Variants in SPATA17 observed in about 807,000 individuals in gnomAD.
SPATA17 encodes spermatogenesis-associated protein 17.
A neutral mutation model predicts 62.2 loss-of-function variants in SPATA17; 53 were observed. The ratio of observed to expected loss-of-function variants is 0.85; its 90% CI spans 0.68 to 1.07. The LOEUF (loss-of-function observed/expected upper bound fraction) is 1.07. SPATA17 is among the 50% of genes least tolerant of loss of function. The pLI is 0.00. For missense variants in SPATA17, 466 were observed against 425.5 expected, an observed-to-expected ratio of 1.10 and a Z score of -0.84; for synonymous variants, 146 against 146.8, an observed-to-expected ratio of 0.99 and a Z score of 0.04.
At chr1:217,636,321 G>T (rs1470689237) in intron 1 of SPATA17, among the ~76,000 whole-genome samples, 1 of 152,142 alleles carries the variant, frequency 6.6e-6, no homozygotes, top group East Asian at 1.9e-4. Context: ...AGATGACTTT[G>T]TTGAGAAAAT....
At chr1:217,708,829 C>T (rs1223534674) in intron 5 of SPATA17, among the ~76,000 whole-genome samples, 1 of 152,016 alleles carries the variant, frequency 6.6e-6, no homozygotes, top group Non-Finnish European at 1.5e-5. Flanking sequence ...AAAAGGAAAT[C>T]CACCATGATC....
chr1:217,790,062 G>A (rs770182823), intron 8 of SPATA17, among the ~76,000 whole-genome samples: 1 of 151,974 alleles, frequency 6.6e-6, no homozygotes, highest in African/African-American at 2.4e-5. Flanking sequence ...TAAAATTGGA[G>A]GTGAATAAAA....
At chr1:217,866,068 T>A (rs1676005038) in intron 10 of SPATA17, among the ~76,000 whole-genome samples, 1 of 152,132 alleles carries the variant, frequency 6.6e-6, no homozygotes. Flanking sequence ...CCAGAGGGAA[T>A]AAGATCTTAG....
At chr1:217,861,794 C>A (rs1300889368) in intron 9 of SPATA17, among the ~76,000 whole-genome samples, 1 of 152,160 alleles carries the variant, frequency 6.6e-6, no homozygotes, top group Non-Finnish European at 1.5e-5. Context: ...GTGTCTGTCA[C>A]AACCCACCAT....
chr1:217,764,608 A>C (rs569520313), intron 6 of SPATA17, among the ~76,000 whole-genome samples: 3 of 152,280 alleles, frequency 2.0e-5, no homozygotes, highest in African/African-American at 4.8e-5. Flanking sequence ...GCTAGATTAT[A>C]TGATAAGAGT....
intron 9 of SPATA17, among the ~76,000 whole-genome samples, chr1:217,853,579 T>C (rs1675711234): frequency 6.6e-6 from 1 of 152,168 alleles, no homozygotes; most frequent in Non-Finnish European, 1.5e-5. Context: ...TAGCAATCAA[T>C]TCTTGTTATC....
In SPATA17 at chr1:217,649,920, G is replaced by A. The variant is rs1167379088; in HGVS notation, c.158+949G>A. On this transcript the variant is annotated intron_variant, in intron 2 of 10. Transcript: ENST00000366933. ...TAGACATGCAAACTTAAAGTGTGAA[G>A]ACAAGGCTTCTCTCTTTTTTTTTTT... Among the ~76,000 whole-genome samples the A allele has an allele frequency of 2.7e-5, 4 of 147,396 alleles. No individual in the cohort carries two copies. The East Asian group carries it at 8.0e-4, about 30-fold the overall frequency.
At position 217,818,115 on chromosome 1, in the gene SPATA17, A is replaced by G. The variant is rs148466587; in HGVS notation, c.1005+16265A>G. ...GCAAATAGAGAAAATAAAACCACCT[A>G]TTATTCATTGCCAGTATTTTATTAT... On this transcript the variant is annotated intron_variant, in intron 9 of 10. Transcript: ENST00000366933. Among the ~76,000 whole-genome samples the G allele has an allele frequency of 1.9e-3, 285 of 152,140 alleles. 3 individuals are homozygous for G. The highest frequency in any genetic ancestry group is 6.5e-3 in the African/African-American group (269 of 41,554).
chr1:217,744,675 C>T (rs1672707176), intron 6 of SPATA17, among the ~76,000 whole-genome samples: 1 of 152,090 alleles, frequency 6.6e-6, no homozygotes, highest in Non-Finnish European at 1.5e-5. Context: ...TCCCTAGTCT[C>T]CAAAACTCCT....
intron 3 of SPATA17, among the ~76,000 whole-genome samples, chr1:217,659,448 T>C (rs1019633345): frequency 2.0e-5 from 3 of 152,102 alleles, no homozygotes; most frequent in Non-Finnish European, 4.4e-5. Context: ...AAAATAATTT[T>C]ATATTAATAT....
chr1:217,738,707 T>C (rs1205083598), intron 5 of SPATA17, among the ~76,000 whole-genome samples: 1 of 152,214 alleles, frequency 6.6e-6, no homozygotes, highest in African/African-American at 2.4e-5. Context: ...ATCCCAACAC[T>C]TGGGGAAGCC....
intron 9 of SPATA17, among the ~76,000 whole-genome samples, chr1:217,845,879 A>T (rs1201300716): frequency 6.6e-6 from 1 of 152,086 alleles, no homozygotes; most frequent in Non-Finnish European, 1.5e-5. Context: ...GTAGTTGTTT[A>T]CAATTTCCCC....
chr1:217,794,242 TCTC>T (rs948162092), intron 8 of SPATA17, among the ~76,000 whole-genome samples: 10 of 152,212 alleles, frequency 6.6e-5, no homozygotes, highest in Admixed American at 3.9e-4. Context: ...AGTTGTTACT[TCTC>T]CTGTATTTTC....
chr1:217,793,971 T>C (rs920581495), intron 8 of SPATA17, among the ~76,000 whole-genome samples: 1 of 151,178 alleles, frequency 6.6e-6, no homozygotes, highest in South Asian at 2.1e-4. Flanking sequence ...AAAAAATTAG[T>C]TGGGTGTGGT....
At chr1:217,854,011 T>G (rs896063012) in intron 9 of SPATA17, among the ~76,000 whole-genome samples, 5 of 152,110 alleles carry the variant, frequency 3.3e-5, no homozygotes, top group African/African-American at 1.2e-4. Context: ...TCAGAGAGAC[T>G]CCAGGGGTGC....
intron 4 of SPATA17, among the ~76,000 whole-genome samples, chr1:217,682,466 A>G (rs1336003070): frequency 2.0e-5 from 3 of 152,104 alleles, no homozygotes; most frequent in South Asian, 2.1e-4. Flanking sequence ...GATAATTTCA[A>G]TATAACTTTT....
intron 8 of SPATA17, among the ~76,000 whole-genome samples, chr1:217,785,393 T>TA (rs1301650022): frequency 6.6e-6 from 1 of 152,116 alleles, no homozygotes; most frequent in East Asian, 1.9e-4. Flanking sequence ...TCAGGAAACT[T>TA]ACAGTCATGG....
intron 5 of SPATA17, among the ~76,000 whole-genome samples, chr1:217,726,841 T>C (rs1672273631): frequency 6.6e-6 from 1 of 152,154 alleles, no homozygotes; most frequent in South Asian, 2.1e-4. Context: ...TTGGCTATTA[T>C]TATTATGCTT....
chr1:217,696,323 G>T (rs906080304), intron 5 of SPATA17, among the ~76,000 whole-genome samples: 20 of 152,146 alleles, frequency 1.3e-4, no homozygotes, highest in African/African-American at 3.4e-4. Context: ...AGCTTCCCAG[G>T]TGAGGCAATG....
Sources: allele counts gnomAD v4.1 joint callset (sites outside exome capture counted in the v4.1 genomes callset), GRCh38; gene constraint gnomAD v4.1.1; transcripts MANE v1.5; gene names NCBI Gene and HGNC (gene_info 2026-07-23, HGNC 2026-07-21).